MEGF11: variants seen among roughly 807,000 people sequenced by gnomAD.
The protein encoded by MEGF11 is multiple EGF like domains 11.
In MEGF11, 126 loss-of-function variants were observed where a neutral mutation model predicts 146.6. The ratio of observed to expected loss-of-function variants is 0.86; its 90% confidence interval spans 0.74 to 1.00. The LOEUF (loss-of-function observed/expected upper bound fraction) is 1.00. MEGF11 is among the 50% of genes least tolerant of loss of function. MEGF11 has a pLI of 0.00. For missense variants in MEGF11, 1,509 were observed against 1,521.2 expected, an observed-to-expected ratio of 0.99 and a Z score of 0.13; for synonymous variants, 532 against 583.4, an observed-to-expected ratio of 0.91 and a Z score of 1.27.
At chr15:65,923,041 G>T in intron 13 of MEGF11, 72 bp from the exon 14 acceptor site, 1 of 1,524,096 alleles carries the variant, frequency 6.6e-7, no homozygotes. Context: ...AGGGAAGGGG[G>T]ACAGTGCAGT....
intron 1 of MEGF11, among the ~76,000 whole-genome samples, chr15:66,231,531 T>C (rs1250904233): frequency 6.6e-6 from 1 of 152,012 alleles, no homozygotes; most frequent in African/African-American, 2.4e-5. Context: ...GAGGAGCTGT[T>C]TTTCCTACAC....
intron 5 of MEGF11, among the ~76,000 whole-genome samples, chr15:66,054,134 T>G (rs2084577993): frequency 6.6e-6 from 1 of 152,096 alleles, no homozygotes; most frequent in Non-Finnish European, 1.5e-5. Flanking sequence ...TCTGCTCAGT[T>G]CCCTGAAGCC....
At chr15:66,186,629 C>A (rs1476042396) in intron 1 of MEGF11, among the ~76,000 whole-genome samples, 1 of 152,220 alleles carries the variant, frequency 6.6e-6, no homozygotes, top group Admixed American at 6.5e-5. Context: ...GTGTCCATCA[C>A]CGAGTGGTCC....
At chr15:65,930,768 A>T in intron 11 of MEGF11, 55 bp downstream of exon 11, 1 of 1,511,796 alleles carries the variant, frequency 6.6e-7, no homozygotes, top group East Asian at 2.5e-5. Context: ...TGGCAGCACC[A>T]CCTGGGGAAT....
chr15:66,220,252 C>T (rs963626325), intron 1 of MEGF11, among the ~76,000 whole-genome samples: 1 of 151,962 alleles, frequency 6.6e-6, no homozygotes, highest in Non-Finnish European at 1.5e-5. Flanking sequence ...CCCCCCACCC[C>T]CCGCCATGTG....
chr15:65,928,836 T>C (rs2079468510), intron 12 of MEGF11, among the ~76,000 whole-genome samples: 1 of 152,012 alleles, frequency 6.6e-6, no homozygotes, highest in African/African-American at 2.4e-5. Context: ...GTGGTCAAGC[T>C]CAAAGGCCTG....
At chr15:66,090,439 T>C (rs1248213578) in intron 5 of MEGF11, among the ~76,000 whole-genome samples, 1 of 152,250 alleles carries the variant, frequency 6.6e-6, no homozygotes, top group Non-Finnish European at 1.5e-5. Flanking sequence ...AAAATCCATT[T>C]AGAGGCAAAA....
At chr15:66,176,656 G>T (rs2090395500) in intron 1 of MEGF11, among the ~76,000 whole-genome samples, 1 of 152,170 alleles carries the variant, frequency 6.6e-6, no homozygotes, top group Non-Finnish European at 1.5e-5. Context: ...GGACAGTTCT[G>T]GTCTAGAAGC....
At position 65,987,772 on chromosome 15, in the gene MEGF11, G is replaced by A. The variant is rs562629072; in HGVS notation, c.395-5284C>T. 7.2e-5 allele frequency among the ~76,000 whole-genome samples: 11 copies of A among 152,040 alleles called. No homozygotes were observed. In the South Asian group the frequency reaches 1.0e-3, roughly 14 times the overall value. ...GTCACCCAGGCTGGAGTGCAGTGGT[G>A]CGATCTTGGCTCACTGCAACCTCCA... On this transcript the variant is annotated intron_variant, in intron 5 of 25. Coordinates refer to ENST00000395614, the MANE Select transcript of MEGF11 (RefSeq NM_001385028.1).
intron 10 of MEGF11, among the ~76,000 whole-genome samples, chr15:65,954,290 C>T (rs577777566): frequency 1.3e-5 from 2 of 152,168 alleles, no homozygotes; most frequent in African/African-American, 2.4e-5. Flanking sequence ...TTACTGACTG[C>T]GGGACATCTT....
At chr15:65,988,609 A>T (rs1001701409) in intron 5 of MEGF11, among the ~76,000 whole-genome samples, 1 of 152,236 alleles carries the variant, frequency 6.6e-6, no homozygotes. Context: ...CCTGAAGACA[A>T]TTCATTAAAG....
Position 65,913,991 on chromosome 15 carries a change from G to A in MEGF11, c.2474-18C>T. 1 of 1,605,224 alleles carries A rather than the reference G, an allele frequency of 6.2e-7. No homozygotes were observed. The highest frequency in any genetic ancestry group is 1.1e-5 in the South Asian group (1 of 90,830). On this transcript the variant is annotated intron_variant, in intron 19 of 25. Transcript: ENST00000395614. Reference sequence around the variant, plus strand: ...GAGGGCAGCTGCGGGCAGAGGGAGGGCCTGAGCCTGGGGCTGGCCTTCTTG... The same window carrying A: ...GAGGGCAGCTGCGGGCAGAGGGAGGACCTGAGCCTGGGGCTGGCCTTCTTG...
At chr15:66,129,169 G>C (rs899757542) in intron 1 of MEGF11, among the ~76,000 whole-genome samples, 1 of 152,146 alleles carries the variant, frequency 6.6e-6, no homozygotes, top group African/African-American at 2.4e-5. Flanking sequence ...TCACTAAATT[G>C]GGGTCCCCAA....
chr15:66,221,817 C>T (rs11071874), intron 1 of MEGF11, among the ~76,000 whole-genome samples: 31,988 of 151,952 alleles, frequency 0.21, 3,764 homozygotes, highest in Admixed American at 0.28. Context: ...AGACTTGCTC[C>T]CTTTGTGACT....
intron 1 of MEGF11, among the ~76,000 whole-genome samples, chr15:66,141,829 C>T (rs995747850): frequency 6.6e-6 from 1 of 152,182 alleles, no homozygotes; most frequent in Non-Finnish European, 1.5e-5. Context: ...CTTGGCCTAA[C>T]ATCATCTTTA....
At chr15:65,914,030 C>T in intron 19 of MEGF11, 57 bp from the exon 20 acceptor site, 2 of 1,416,478 alleles carry the variant, frequency 1.4e-6, no homozygotes, top group South Asian at 2.3e-5. Context: ...TTCAGGTCTC[C>T]TGGGCCTGGG....
intron 1 of MEGF11, among the ~76,000 whole-genome samples, chr15:66,181,307 G>A (rs748713564): frequency 3.9e-5 from 6 of 152,154 alleles, no homozygotes; most frequent in Non-Finnish European, 8.8e-5. Context: ...GCACAATCAC[G>A]GCTCACACGG....
chr15:65,963,319 C>T (rs979403574), intron 9 of MEGF11, among the ~76,000 whole-genome samples: 1 of 152,202 alleles, frequency 6.6e-6, no homozygotes, highest in Non-Finnish European at 1.5e-5. Context: ...CCAGATGCCA[C>T]CTCTTCTAGG....
intron 8 of MEGF11, among the ~76,000 whole-genome samples, chr15:65,967,397 G>C (rs1406651468): frequency 6.6e-6 from 1 of 152,056 alleles, no homozygotes; most frequent in East Asian, 1.9e-4. Context: ...CCATTTTCCA[G>C]GCTTTCTGTA....
Sources: allele counts gnomAD v4.1 joint callset (sites outside exome capture counted in the v4.1 genomes callset), GRCh38; gene constraint gnomAD v4.1.1; transcripts MANE v1.5; gene names NCBI Gene and HGNC (gene_info 2026-07-23, HGNC 2026-07-21).